Variants in PPM1L observed in about 807,000 individuals in gnomAD.
The protein encoded by PPM1L is protein phosphatase 1L.
PPM1L carries 13 observed loss-of-function variants against 31.4 expected under a neutral mutation model. That is an observed-to-expected ratio of 0.41 (90% CI 0.27 to 0.66). PPM1L has a LOEUF of 0.66. PPM1L is among the 30% of genes least tolerant of loss of function. The pLI is 0.29. For synonymous variants in PPM1L, 184 were observed against 175.4 expected (o/e 1.05, Z -0.39); for missense variants, 326 against 453.7 (o/e 0.72, Z 2.56).
At chr3:161,031,819 G>T (rs2108080673) in intron 2 of PPM1L, among the ~76,000 whole-genome samples, 1 of 152,180 alleles carries the variant, frequency 6.6e-6, no homozygotes, top group East Asian at 1.9e-4. Flanking sequence ...ATACCTTAAA[G>T]CAGCAACACC....
intron 1 of PPM1L, among the ~76,000 whole-genome samples, chr3:160,800,326 AG>A (rs1712384968): frequency 1.3e-5 from 2 of 152,200 alleles, no homozygotes; most frequent in South Asian, 4.1e-4. Flanking sequence ...TTGGGAAAAC[AG>A]GGAGAGACCT....
Position 161,068,853 on chromosome 3 carries a change from T to C in PPM1L, c.779T>C (p.Ile260Thr). 1 of 1,614,050 alleles carries C rather than the reference T, an allele frequency of 6.2e-7. No homozygotes were observed. The highest frequency in any genetic ancestry group is 8.5e-7 in the Non-Finnish European group (1 of 1,179,974). ...AATGGCTCCTGGAGGGTCCAGGGAA[T>C]CCTGGCCATGTCTCGGTCCCTGGGG... ...SFNGSWRVQG[I>T]LAMSRSLGDY... is the part of the protein sequence containing the mutation. The change falls in exon 4 of 4, where the codon ATC (isoleucine) becomes ACC (threonine). Residue 260 changes from isoleucine (I) to threonine (T), a missense_variant. By Grantham distance (89) the Ile-to-Thr change is moderately conservative. Transcript: ENST00000498165.
chr3:160,892,254 G>T (rs1017109848), intron 1 of PPM1L, among the ~76,000 whole-genome samples: 10 of 152,182 alleles, frequency 6.6e-5, no homozygotes, highest in Non-Finnish European at 2.9e-5. Flanking sequence ...TTCTGGGGAA[G>T]CCTCAGGGAG....
intron 2 of PPM1L, among the ~76,000 whole-genome samples, chr3:160,980,687 G>A (rs895957253): frequency 8.1e-6 from 1 of 122,842 alleles, no homozygotes. Context: ...AAGGAAAGAA[G>A]GAAAGAGAGA....
intron 1 of PPM1L, among the ~76,000 whole-genome samples, chr3:160,808,854 T>C (rs1712723014): frequency 6.6e-6 from 1 of 152,180 alleles, no homozygotes; most frequent in Non-Finnish European, 1.5e-5. Context: ...AGCCCCTTTC[T>C]GAAGAGGAGA....
chr3:160,966,696 G>C (rs763958215), intron 2 of PPM1L, among the ~76,000 whole-genome samples: 10 of 152,082 alleles, frequency 6.6e-5, no homozygotes, highest in Non-Finnish European at 1.3e-4. Context: ...ATTGAAATGA[G>C]AAGGTGGGGA....
chr3:160,819,242 TG>T (rs1444217245), intron 1 of PPM1L, among the ~76,000 whole-genome samples: 1 of 152,050 alleles, frequency 6.6e-6, no homozygotes, highest in Admixed American at 6.6e-5. Flanking sequence ...AATTGCACTT[TG>T]TAAGACACCC....
chr3:160,971,144 G>A (rs965357180), intron 2 of PPM1L, among the ~76,000 whole-genome samples: 6 of 152,108 alleles, frequency 3.9e-5, no homozygotes, highest in African/African-American at 1.4e-4. Flanking sequence ...TGAAAGTACC[G>A]AAACATGTAA....
At chr3:161,067,277 A>C (rs1251547333) in intron 3 of PPM1L, among the ~76,000 whole-genome samples, 12 of 152,152 alleles carry the variant, frequency 7.9e-5, no homozygotes, top group Admixed American at 7.9e-4. Context: ...GTAGAAGCAA[A>C]TTTGCACACC....
intron 1 of PPM1L, among the ~76,000 whole-genome samples, chr3:160,778,970 G>T (rs566346344): frequency 1.4e-4 from 22 of 152,198 alleles, no homozygotes; most frequent in African/African-American, 5.1e-4. Context: ...TCCACAATAA[G>T]AGGGCTCAGT....
chr3:160,981,330 T>C (rs1363426307), intron 2 of PPM1L, among the ~76,000 whole-genome samples: 1 of 152,202 alleles, frequency 6.6e-6, no homozygotes, highest in Non-Finnish European at 1.5e-5. Context: ...TAACTGGGGC[T>C]GTTCTGCTTC....
intron 1 of PPM1L, among the ~76,000 whole-genome samples, chr3:160,782,908 T>G (rs930985039): frequency 6.6e-6 from 1 of 152,246 alleles, no homozygotes; most frequent in Non-Finnish European, 1.5e-5. Context: ...AATTGTGTTA[T>G]TCTTTATTTT....
intron 2 of PPM1L, among the ~76,000 whole-genome samples, chr3:160,998,104 T>C (rs1717380311): frequency 6.6e-6 from 1 of 152,218 alleles, no homozygotes; most frequent in Non-Finnish European, 1.5e-5. Flanking sequence ...TATAAGTAGC[T>C]TTTGCATTCA....
chr3:160,863,211 A>G (rs1201318529), intron 1 of PPM1L, among the ~76,000 whole-genome samples: 1 of 152,212 alleles, frequency 6.6e-6, no homozygotes, highest in African/African-American at 2.4e-5. Context: ...GTGATTTTAA[A>G]CTGAAGATGA....
At chr3:161,030,019 C>T (rs1224609821) in intron 2 of PPM1L, among the ~76,000 whole-genome samples, 2 of 152,204 alleles carry the variant, frequency 1.3e-5, no homozygotes, top group African/African-American at 2.4e-5. Context: ...TTACCTCATG[C>T]CTGCAGATAC....
chr3:160,862,103 C>G (rs1300092485), intron 1 of PPM1L, among the ~76,000 whole-genome samples: 2 of 152,022 alleles, frequency 1.3e-5, no homozygotes, highest in African/African-American at 4.8e-5. Flanking sequence ...TGAGGGGGGG[C>G]CATGATTCTG....
Position 161,069,238 on chromosome 3 carries a change from G to A in PPM1L, c.*81G>A, listed in dbSNP as rs1719838328. On this transcript the variant is annotated 3_prime_UTR_variant, in exon 4 of 4. Coordinates refer to ENST00000498165, the MANE Select transcript of PPM1L (RefSeq NM_139245.4). ...TTTTAATTTAGTGAAAAGTGTGGGAGTTGTAATTAGGATCATCCACCCCAG... is the reference window on the plus strand; with the variant it reads ...TTTTAATTTAGTGAAAAGTGTGGGAATTGTAATTAGGATCATCCACCCCAG... 1 of 1,083,630 alleles carries A rather than the reference G, an allele frequency of 9.2e-7. No individual in the cohort carries two copies. Among genetic ancestry groups the A allele is most frequent in the Admixed American group, 2.7e-5 (1 of 37,256 alleles). 67.1% of individuals were successfully genotyped at this position (1,083,630 alleles called of 1,614,324 possible).
intron 1 of PPM1L, among the ~76,000 whole-genome samples, chr3:160,870,147 A>G (rs1397387399): frequency 6.6e-6 from 1 of 152,102 alleles, no homozygotes; most frequent in Non-Finnish European, 1.5e-5. Context: ...AGGAGGAGTT[A>G]CCAAACCCTG....
At chr3:160,839,541 A>G (rs189223423) in intron 1 of PPM1L, among the ~76,000 whole-genome samples, 130 of 152,302 alleles carry the variant, frequency 8.5e-4, no homozygotes, top group African/African-American at 3.0e-3. Flanking sequence ...TAAACATGCA[A>G]TTCATTTTGT....
Sources: allele counts gnomAD v4.1 joint callset (sites outside exome capture counted in the v4.1 genomes callset), GRCh38; gene constraint gnomAD v4.1.1; transcripts MANE v1.5; gene names NCBI Gene and HGNC (gene_info 2026-07-23, HGNC 2026-07-21).